Variants in CNTNAP2 observed in about 807,000 individuals in gnomAD.
The protein encoded by CNTNAP2 is contactin associated protein 2.
Under a neutral mutation model 155.2 loss-of-function variants are expected in CNTNAP2, and 98 were observed. The observed-to-expected ratio is 0.63, with a 90% CI of 0.54 to 0.75. The LOEUF (loss-of-function observed/expected upper bound fraction) is 0.75. CNTNAP2 is among the 30% of genes least tolerant of loss of function. The pLI, the probability that CNTNAP2 is intolerant of heterozygous loss-of-function variation, is 0.00. For missense variants in CNTNAP2, 1,727 were observed against 1,688.1 expected (o/e 1.02, Z -0.40); for synonymous variants, 651 against 631.2 (o/e 1.03, Z -0.47).
chr7:146,641,246 G>A lies in CNTNAP2; in HGVS notation c.98-133025G>A, dbSNP rs377378643. The stretch of plus-strand genomic sequence containing the variant: ...GGAGGCTGAGGCAGGAGAATGGCGT[G>A]AACCCAGAGGCGGAGCTTGCAGTGA... On this transcript the variant is annotated intron_variant, in intron 1 of 23. Coordinates refer to ENST00000361727, the MANE Select transcript of CNTNAP2 (RefSeq NM_014141.6). 1.9e-4 allele frequency among the ~76,000 whole-genome samples: 29 copies of A among 152,280 alleles called. No homozygotes were observed. The East Asian group carries it at 2.9e-3, about 15-fold the overall frequency.
intron 10 of CNTNAP2, among the ~76,000 whole-genome samples, chr7:147,438,180 G>A (rs201647905): frequency 6.6e-6 from 1 of 151,956 alleles, no homozygotes; most frequent in African/African-American, 2.4e-5. Context: ...GAGCAACTTC[G>A]TCATGTTACA....
chr7:148,153,447 A>G (rs1455922937), intron 17 of CNTNAP2, among the ~76,000 whole-genome samples: 1 of 152,220 alleles, frequency 6.6e-6, no homozygotes, highest in Non-Finnish European at 1.5e-5. Context: ...TTGTCTGAAA[A>G]GTGCAGGAAA....
At chr7:147,360,248 A>T (rs1796125041) in intron 9 of CNTNAP2, among the ~76,000 whole-genome samples, 1 of 152,146 alleles carries the variant, frequency 6.6e-6, no homozygotes. Flanking sequence ...CTGTGTCTTC[A>T]TCCTTGTGGT....
intron 1 of CNTNAP2, among the ~76,000 whole-genome samples, chr7:146,271,250 G>A (rs572246258): frequency 5.3e-5 from 8 of 152,000 alleles, no homozygotes; most frequent in African/African-American, 1.9e-4. Flanking sequence ...AGAAATTTAT[G>A]TATACATTTT....
intron 13 of CNTNAP2, among the ~76,000 whole-genome samples, chr7:147,714,597 G>T (rs1348752024): frequency 6.6e-6 from 1 of 152,014 alleles, no homozygotes. Context: ...TTAAAACAAG[G>T]TTTTTAGGGA....
intron 1 of CNTNAP2, among the ~76,000 whole-genome samples, chr7:146,265,033 A>G (rs1316461188): frequency 1.3e-5 from 2 of 152,212 alleles, no homozygotes; most frequent in East Asian, 3.9e-4. Flanking sequence ...GAAAAAAACA[A>G]AGACAATAAA....
chr7:147,663,536 C>CTAGT (rs1262681419), intron 13 of CNTNAP2, among the ~76,000 whole-genome samples: 1 of 152,156 alleles, frequency 6.6e-6, no homozygotes, highest in African/African-American at 2.4e-5. Context: ...GATGAAAGAC[C>CTAGT]TAGTTCTTGA....
At chr7:146,260,617 G>T (rs1041291520) in intron 1 of CNTNAP2, among the ~76,000 whole-genome samples, 1 of 152,172 alleles carries the variant, frequency 6.6e-6, no homozygotes, top group Non-Finnish European at 1.5e-5. Context: ...AATTGGACTT[G>T]AATGGGGCCT....
intron 9 of CNTNAP2, among the ~76,000 whole-genome samples, chr7:147,346,143 A>T (rs112002577): frequency 0.13 from 1,328 of 10,460 alleles, 50 homozygotes; most frequent in African/African-American, 0.47. Context: ...ATTTTATTTT[A>T]TTTTATTTTA....
chr7:147,959,724 C>A (rs963217242), intron 14 of CNTNAP2, among the ~76,000 whole-genome samples: 1 of 152,074 alleles, frequency 6.6e-6, no homozygotes, highest in African/African-American at 2.4e-5. Flanking sequence ...CCAGGTGTTG[C>A]CATGGCGATG....
At chr7:146,869,184 T>C (rs1795260537) in intron 3 of CNTNAP2, among the ~76,000 whole-genome samples, 2 of 152,188 alleles carry the variant, frequency 1.3e-5, no homozygotes, top group African/African-American at 4.8e-5. Context: ...TTTTGAGGTA[T>C]GTTCCTTCAA....
intron 15 of CNTNAP2, among the ~76,000 whole-genome samples, chr7:148,109,670 A>C (rs375091240): frequency 0.01 from 1,560 of 152,002 alleles, 17 homozygotes; most frequent in South Asian, 0.044. Flanking sequence ...AGGCGTTGAG[A>C]TTCTATTTCT....
At chr7:147,963,886 G>A (rs1448101462) in intron 14 of CNTNAP2, among the ~76,000 whole-genome samples, 1 of 151,844 alleles carries the variant, frequency 6.6e-6, no homozygotes, top group Non-Finnish European at 1.5e-5. Flanking sequence ...TCCCCCCTCA[G>A]AAATTTATTA....
At chr7:147,277,786 T>TA (rs941485733) in intron 8 of CNTNAP2, among the ~76,000 whole-genome samples, 2 of 150,124 alleles carry the variant, frequency 1.3e-5, no homozygotes, top group Admixed American at 1.3e-4. Context: ...TTTTTTTTTT[T>TA]ACTTTTCATA....
At chr7:146,568,663 T>G (rs1475269502) in intron 1 of CNTNAP2, among the ~76,000 whole-genome samples, 2 of 152,168 alleles carry the variant, frequency 1.3e-5, no homozygotes, top group African/African-American at 4.8e-5. Flanking sequence ...CTGTACCTCT[T>G]CCTCAGGAGA....
Position 147,297,987 on chromosome 7 carries a change from A to G in CNTNAP2, c.1349-2154A>G, listed in dbSNP as rs567181190. On this transcript the variant is annotated intron_variant, in intron 8 of 23. Coordinates refer to ENST00000361727, the MANE Select transcript of CNTNAP2 (RefSeq NM_014141.6). ...GTAGACCAGAGATGATAGTGGGCTCACATAGCTGTTTGCCTTATTACATTA... is the reference window on the plus strand; with the variant it reads ...GTAGACCAGAGATGATAGTGGGCTCGCATAGCTGTTTGCCTTATTACATTA... Among the ~76,000 whole-genome samples, 6 of 152,246 alleles carry G rather than the reference A, an allele frequency of 3.9e-5. No individual in the cohort carries two copies. The South Asian group carries it at 1.0e-3, about 26-fold the overall frequency.
chr7:147,693,510 T>C lies in CNTNAP2; in HGVS notation c.2098+54204T>C, dbSNP rs181101510. Among the ~76,000 whole-genome samples the C allele has an allele frequency of 3.3e-5, 5 of 152,172 alleles. No individual in the cohort carries two copies. The East Asian group carries it at 9.7e-4, about 29-fold the overall frequency. On this transcript the variant is annotated intron_variant, in intron 13 of 23. Coordinates refer to ENST00000361727, the MANE Select transcript of CNTNAP2 (RefSeq NM_014141.6). The stretch of plus-strand genomic sequence containing the variant: ...TCATTTCGTTCTTTGATTTCTCTCA[T>C]CAGAGTTTTATAGTTTTCCTGTTAT...
chr7:147,423,553 T>A (rs904261792), intron 10 of CNTNAP2, among the ~76,000 whole-genome samples: 1 of 152,130 alleles, frequency 6.6e-6, no homozygotes, highest in African/African-American at 2.4e-5. Flanking sequence ...CACCTCCTCA[T>A]CCTTGCAGAT....
intron 1 of CNTNAP2, among the ~76,000 whole-genome samples, chr7:146,602,966 A>G (rs1353788841): frequency 6.9e-6 from 1 of 144,722 alleles, no homozygotes; most frequent in Admixed American, 6.7e-5. Context: ...ATTGTCTTCA[A>G]TTTCCAGATG....
Sources: gnomAD v4.1 joint callset for allele counts (sites outside exome capture counted in the v4.1 genomes callset) on GRCh38, gnomAD v4.1.1 for gene constraint, MANE v1.5 for transcripts, NCBI Gene and HGNC (gene_info 2026-07-23, HGNC 2026-07-21) for gene names.